Variants in ESRRG observed in about 807,000 individuals in gnomAD.
ESRRG encodes the protein estrogen-related receptor gamma.
In ESRRG, 13 loss-of-function variants were observed where a neutral mutation model predicts 44.0. The ratio of observed to expected loss-of-function variants is 0.30; its 90% CI spans 0.19 to 0.47. ESRRG has a LOEUF of 0.47. Among genes scored for constraint, ESRRG ranks in the 20% least tolerant of loss-of-function variants. The probability of loss-of-function intolerance (pLI) is 1.00; values close to 1 mark genes in which losing one functional copy is unlikely to be tolerated. For synonymous variants in ESRRG, 215 were observed against 214.6 expected (o/e 1.00, Z -0.02); for missense variants, 395 against 580.6 (o/e 0.68, Z 3.29).
intron 5 of ESRRG, among the ~76,000 whole-genome samples, chr1:216,560,358 G>A (rs749410121): frequency 3.6e-4 from 55 of 152,180 alleles, no homozygotes; most frequent in Non-Finnish European, 7.2e-4. Flanking sequence ...CAGACCTGAA[G>A]ATTTGCCATA....
In ESRRG at chr1:216,759,013, G is replaced by C. The variant is rs1363208279; in HGVS notation, c.-13-81522C>G. ...GAAACTTGCAGGAGGTCACACTGCT[G>C]GTACCATCATTTCAAACAAGGTCTA... On this transcript the variant is annotated intron_variant, in intron 2 of 7. Transcript: ENST00000359162. Among the ~76,000 whole-genome samples the C allele has an allele frequency of 2.6e-5, 4 of 151,932 alleles. No homozygotes were observed. The East Asian group carries it at 5.8e-4, about 22-fold the overall frequency.
At chr1:216,914,886 A>C (rs953735702) in intron 2 of ESRRG, among the ~76,000 whole-genome samples, 3 of 152,100 alleles carry the variant, frequency 2.0e-5, no homozygotes, top group African/African-American at 7.2e-5. Flanking sequence ...CTCTTTCCTT[A>C]CTCCATCCAG....
intron 1 of ESRRG, among the ~76,000 whole-genome samples, chr1:217,103,016 G>A (rs2151570945): frequency 6.6e-6 from 1 of 152,336 alleles, no homozygotes; most frequent in South Asian, 2.1e-4. Flanking sequence ...AGAGACTCCT[G>A]TGAGCAGGAG....
At chr1:216,512,384 C>T (rs2042977446) in intron 6 of ESRRG, among the ~76,000 whole-genome samples, 1 of 152,102 alleles carries the variant, frequency 6.6e-6, no homozygotes, top group African/African-American at 2.4e-5. Context: ...AATGCCCTGG[C>T]ATCTTCAACT....
chr1:216,764,581 CTT>C (rs1332494869), intron 2 of ESRRG, among the ~76,000 whole-genome samples: 2 of 151,886 alleles, frequency 1.3e-5, no homozygotes. Context: ...GGGGGGGACT[CTT>C]AACTCCTGGT....
intron 1 of ESRRG, among the ~76,000 whole-genome samples, chr1:216,961,635 C>T (rs1251850787): frequency 2.0e-5 from 3 of 147,268 alleles, no homozygotes; most frequent in Non-Finnish European, 4.5e-5. Context: ...TGTTGATTAA[C>T]AACCTTTTAT....
intron 1 of ESRRG, among the ~76,000 whole-genome samples, chr1:217,025,204 A>G (rs1262118954): frequency 2.6e-5 from 4 of 152,218 alleles, no homozygotes; most frequent in Non-Finnish European, 5.9e-5. Context: ...AGGCATCCAC[A>G]GAGTGCTTTT....
intron 3 of ESRRG, among the ~76,000 whole-genome samples, chr1:216,593,171 T>C (rs1191920066): frequency 2.0e-5 from 3 of 152,260 alleles, no homozygotes; most frequent in Non-Finnish European, 2.9e-5. Flanking sequence ...ACAGTCACTA[T>C]GCCATCTCAA....
At chr1:217,094,592 A>G (rs1580559112), upstream of ESRRG, among the ~76,000 whole-genome samples, 2 of 152,258 alleles carry the variant, frequency 1.3e-5, no homozygotes, top group South Asian at 2.1e-4. Flanking sequence ...AAATATTATC[A>G]TGTCAGATGT....
chr1:216,740,381 A>T (rs2090514621), intron 2 of ESRRG, among the ~76,000 whole-genome samples: 1 of 152,140 alleles, frequency 6.6e-6, no homozygotes, highest in African/African-American at 2.4e-5. Context: ...CTTTGTTGTA[A>T]CTTGTAGCTA....
chr1:216,810,678 G>C (rs1265352954), intron 2 of ESRRG, among the ~76,000 whole-genome samples: 2 of 144,738 alleles, frequency 1.4e-5, no homozygotes, highest in African/African-American at 2.5e-5. Flanking sequence ...TTGGAAAGTA[G>C]AGCTAATTCT....
chr1:217,031,494 A>G (rs1020394147), intron 1 of ESRRG, among the ~76,000 whole-genome samples: 4 of 152,254 alleles, frequency 2.6e-5, no homozygotes, highest in African/African-American at 9.6e-5. Context: ...TACAGCTTTC[A>G]GCTTTCTTCT....
At chr1:217,048,135 G>A (rs2085223461) in intron 1 of ESRRG, among the ~76,000 whole-genome samples, 1 of 152,174 alleles carries the variant, frequency 6.6e-6, no homozygotes, top group African/African-American at 2.4e-5. Flanking sequence ...TTAGCAGAGA[G>A]TAAGTGTAAG....
intron 1 of ESRRG, among the ~76,000 whole-genome samples, chr1:217,063,822 C>A (rs528294130): frequency 1.3e-5 from 2 of 152,128 alleles, no homozygotes; most frequent in Non-Finnish European, 2.9e-5. Context: ...GACATAAAAT[C>A]TGCGTTTTAA....
chr1:216,981,926 C>T (rs145125123), intron 1 of ESRRG, among the ~76,000 whole-genome samples: 47 of 152,298 alleles, frequency 3.1e-4, no homozygotes, highest in African/African-American at 9.1e-4. Context: ...CATGACCAAG[C>T]GATTAGCGGG....
chr1:216,556,786 A>G (rs1451256917), intron 5 of ESRRG, among the ~76,000 whole-genome samples: 1 of 152,044 alleles, frequency 6.6e-6, no homozygotes, highest in Non-Finnish European at 1.5e-5. Context: ...TGAATCACCC[A>G]CCACACAGTG....
At chr1:217,062,331 G>C (rs954948847) in intron 1 of ESRRG, among the ~76,000 whole-genome samples, 1 of 152,154 alleles carries the variant, frequency 6.6e-6, no homozygotes, top group Non-Finnish European at 1.5e-5. Context: ...AGAGTGAGAA[G>C]GATGAAAAGC....
chr1:217,045,218 C>T (rs2084646179), intron 1 of ESRRG, among the ~76,000 whole-genome samples: 1 of 152,098 alleles, frequency 6.6e-6, no homozygotes, highest in African/African-American at 2.4e-5. Context: ...TCAAAAACCA[C>T]ATTAATATAG....
intron 2 of ESRRG, among the ~76,000 whole-genome samples, chr1:216,921,234 C>T (rs184088229): frequency 1.4e-4 from 21 of 152,168 alleles, no homozygotes; most frequent in African/African-American, 2.2e-4. Context: ...GTAGTAGAAG[C>T]GTGGAGGAGT....
Sources: allele counts gnomAD v4.1 joint callset (sites outside exome capture counted in the v4.1 genomes callset), GRCh38; gene constraint gnomAD v4.1.1; transcripts MANE v1.5; gene names NCBI Gene and HGNC (gene_info 2026-07-23, HGNC 2026-07-21).